Variants in PCSK5 observed in about 807,000 individuals in gnomAD.
PCSK5 encodes the protein proprotein convertase subtilisin/kexin type 5, also known as prohormone convertase 5.
Under a neutral mutation model 233.2 loss-of-function variants are expected in PCSK5, and 129 were observed. That is an observed-to-expected ratio of 0.55 (90% CI 0.48 to 0.64). The LOEUF (loss-of-function observed/expected upper bound fraction) is 0.64, where lower values mean the gene tolerates loss of function less well. Among genes scored for constraint, PCSK5 ranks in the 30% least tolerant of loss-of-function variants. The pLI is 0.00. For missense variants in PCSK5, 2,076 were observed against 2,430.1 expected (o/e 0.85, Z 3.06); for synonymous variants, 825 against 879.2 (o/e 0.94, Z 1.09).
At chr9:76,252,596 C>T (rs1453747253) in intron 24 of PCSK5, among the ~76,000 whole-genome samples, 5 of 152,214 alleles carry the variant, frequency 3.3e-5, no homozygotes. Flanking sequence ...CCGTGGCATC[C>T]TCCCCACCAC....
At chr9:75,996,189 C>T (rs1827014864) in intron 3 of PCSK5, among the ~76,000 whole-genome samples, 1 of 152,064 alleles carries the variant, frequency 6.6e-6, no homozygotes, top group Admixed American at 6.5e-5. Flanking sequence ...ATTTGTTCTA[C>T]AGCTTAGGGA....
chr9:76,280,767 T>G (rs1827838920), intron 24 of PCSK5, among the ~76,000 whole-genome samples: 2 of 151,764 alleles, frequency 1.3e-5, no homozygotes, highest in Admixed American at 1.3e-4. Context: ...AAAGATAGGC[T>G]GAAATCTAGG....
chr9:76,165,477 G>A (rs1367000711), intron 12 of PCSK5, among the ~76,000 whole-genome samples: 3 of 152,138 alleles, frequency 2.0e-5, no homozygotes, highest in Admixed American at 6.5e-5. Context: ...CAGTAATTAT[G>A]TAAGTTATTT....
chr9:76,081,769 C>T (rs1830847798), intron 7 of PCSK5, among the ~76,000 whole-genome samples: 1 of 152,054 alleles, frequency 6.6e-6, no homozygotes. Flanking sequence ...TTGTTGATGG[C>T]TCTCCCATTC....
intron 24 of PCSK5, among the ~76,000 whole-genome samples, chr9:76,277,207 A>AGAGT (rs1827720491): frequency 6.6e-6 from 1 of 152,200 alleles, no homozygotes; most frequent in Admixed American, 6.5e-5. Context: ...CCTGGGCGAC[A>AGAGT]GAGTGAGACT....
intron 13 of PCSK5, among the ~76,000 whole-genome samples, chr9:76,172,427 A>G (rs980451119): frequency 8.5e-5 from 13 of 152,184 alleles, no homozygotes; most frequent in African/African-American, 3.1e-4. Flanking sequence ...ATCATAGTAG[A>G]GGTTCTAAGG....
chr9:76,319,472 G>A (rs959672918), intron 30 of PCSK5, among the ~76,000 whole-genome samples: 23 of 150,388 alleles, frequency 1.5e-4, no homozygotes, highest in Non-Finnish European at 2.7e-4. Context: ...GGAATAACCG[G>A]CAGGTATAGG....
intron 5 of PCSK5, among the ~76,000 whole-genome samples, chr9:76,034,616 G>T (rs529558172): frequency 1.6e-4 from 25 of 151,966 alleles, no homozygotes; most frequent in African/African-American, 6.0e-4. Flanking sequence ...CACCTCCCAC[G>T]CATGTCACTT....
Position 75,908,943 on chromosome 9 carries a change from CTA to C in PCSK5, c.192+17572_192+17573del, listed in dbSNP as rs746041214. Among the ~76,000 whole-genome samples, 225 of 58,094 alleles carry C rather than the reference CTA, an allele frequency of 3.9e-3. 1 individual carries two copies. Among genetic ancestry groups the C allele is most frequent in the South Asian group, 7.6e-3 (14 of 1,832 alleles). The allele number at this position is 58,094 out of a possible 152,430, so 38.1% of individuals were successfully genotyped here. On this transcript the variant is annotated intron_variant, in intron 1 of 37. Coordinates refer to ENST00000674117, the MANE Select transcript of PCSK5 (RefSeq NM_001372043.1). ...TCTATCTCTCTATCTCTCTCTCTGT[CTA>C]TCTATCTATCTATCTATCTATCTAT...
At chr9:76,126,351 C>T (rs560320979) in intron 9 of PCSK5, among the ~76,000 whole-genome samples, 83 of 152,314 alleles carry the variant, frequency 5.4e-4, no homozygotes, top group Middle Eastern at 6.8e-3. Flanking sequence ...AGGTGGCTCA[C>T]GCCTACAATC....
chr9:76,121,231 G>A (rs149720285), intron 9 of PCSK5, among the ~76,000 whole-genome samples: 16 of 151,422 alleles, frequency 1.1e-4, no homozygotes, highest in African/African-American at 2.7e-4. Context: ...GGGTGTTTCC[G>A]TATCTGTTTA....
At chr9:75,992,849 A>G (rs1345967134) in intron 3 of PCSK5, among the ~76,000 whole-genome samples, 1 of 152,214 alleles carries the variant, frequency 6.6e-6, no homozygotes, top group Non-Finnish European at 1.5e-5. Context: ...GTTTTTCTGA[A>G]GGAAAAAAAA....
Position 76,310,732 on chromosome 9 carries a change from C to A in PCSK5, c.3765C>A (p.Cys1255Ter). ...GTWPSVRSGSCENCTEACAIC... is the reference protein window; with the variant it reads ...GTWPSVRSGS The stretch of plus-strand genomic sequence containing the variant: ...GGCCTTCCGTAAGGAGTGGGAGCTG[C>A]GAGAACTGTACGGAGGCCTGTGCCA... Residue 1255 changes from cysteine to a stop codon, truncating the protein, a stop_gained, in exon 30 of 38, where the codon TGC becomes TGA. Coordinates refer to ENST00000674117, the MANE Select transcript of PCSK5 (RefSeq NM_001372043.1). LOFTEE classifies it high-confidence loss of function. 6.2e-7 allele frequency: 1 copy of A among 1,612,280 alleles called. No homozygotes were observed. The highest frequency in any genetic ancestry group is 8.5e-7 in the Non-Finnish European group (1 of 1,179,586).
At chr9:76,184,387 G>GAAAA (rs11397439) in intron 16 of PCSK5, among the ~76,000 whole-genome samples, 1 of 149,434 alleles carries the variant, frequency 6.7e-6, no homozygotes, top group Non-Finnish European at 1.5e-5. Context: ...GGAAGAAGAA[G>GAAAA]AAAAAAAAAA....
intron 20 of PCSK5, 72 bp from the exon 21 acceptor site, chr9:76,227,429 GCT>G: frequency 9.9e-7 from 1 of 1,007,746 alleles, no homozygotes; most frequent in Non-Finnish European, 1.5e-6. Flanking sequence ...CAGAGATCTG[GCT>G]GCTCTCAGAC....
intron 32 of PCSK5, among the ~76,000 whole-genome samples, chr9:76,325,826 A>G (rs2490593): frequency 1 from 152,073 of 152,134 alleles, 76,006 homozygotes; most frequent in Middle Eastern, 1. Context: ...TAGTAGAGAC[A>G]GAGTTTCTCC....
chr9:76,338,321 T>G lies in PCSK5; in HGVS notation c.4840T>G (p.Cys1614Gly). ...QGPRPTDCLS[C>G]DRFFFLLRSK... Reference sequence around the variant, plus strand: ...CCCACGGCCCACAGACTGCCTGTCTTGCGATAGATTTTTCTTTCTGCTCCG... The same window carrying G: ...CCCACGGCCCACAGACTGCCTGTCTGGCGATAGATTTTTCTTTCTGCTCCG... Residue 1614 changes from cysteine to glycine, a missense_variant, in exon 35 of 38, where the codon TGC becomes GGC. Around this residue, in one of 6 missense-constraint regions of PCSK5, gnomAD observed 1,510 missense variants for 1,538.1 expected, o/e 0.98. Transcript: ENST00000674117. 2 of 1,612,576 alleles carry G rather than the reference T, an allele frequency of 1.2e-6. No homozygotes were observed. Among genetic ancestry groups the G allele is most frequent in the South Asian group, 2.2e-5 (2 of 91,040 alleles).
rs751393215 is a variant in PCSK5 at position 76,238,931 on chromosome 9, T to C, written c.2867-28T>C. On this transcript the variant is annotated intron_variant, in intron 22 of 37. Transcript: ENST00000674117. ...CATGGCTAACTTTGTACATTTTCCC[T>C]CTTTTCGTTGCCCCTGTAACTGATC... The C allele has an allele frequency of 4.6e-6, 7 of 1,524,726 alleles. No homozygotes were observed. In the Admixed American group the frequency reaches 1.2e-4, roughly 26 times the overall value. 94.4% of individuals were successfully genotyped at this position (1,524,726 alleles called of 1,614,324 possible).
chr9:76,200,662 AG>A (rs1824877672), intron 20 of PCSK5, among the ~76,000 whole-genome samples: 1 of 152,190 alleles, frequency 6.6e-6, no homozygotes, highest in African/African-American at 2.4e-5. Flanking sequence ...AAATCAAAGA[AG>A]GTTATGATGT....
Sources: allele counts gnomAD v4.1 joint callset (sites outside exome capture counted in the v4.1 genomes callset), GRCh38; gene constraint gnomAD v4.1.1; regional missense constraint gnomAD v4.1.1; transcripts MANE v1.5; gene names NCBI Gene and HGNC (gene_info 2026-07-23, HGNC 2026-07-21).